The following CSMD1 variants were observed in gnomAD, a reference collection of about 807,000 sequenced individuals.
CSMD1 encodes CUB and Sushi multiple domains 1.
In CSMD1, 213 loss-of-function variants were observed where a neutral mutation model predicts 417.5. That is an observed-to-expected ratio of 0.51 (90% CI 0.46 to 0.57). The LOEUF (loss-of-function observed/expected upper bound fraction) is 0.57, where lower values mean the gene tolerates loss of function less well. CSMD1 is among the 20% of genes least tolerant of loss of function. The probability of loss-of-function intolerance (pLI) is 0.00; values close to 1 mark genes in which losing one functional copy is unlikely to be tolerated. For missense variants in CSMD1, 6,923 were observed against 4,529.7 expected (o/e 1.53, Z -15.17); for synonymous variants, 2,862 against 1,736.8 (o/e 1.65, Z -16.11).
At chr8:3,779,225 G>C (rs1430380634) in intron 5 of CSMD1, among the ~76,000 whole-genome samples, 1 of 151,840 alleles carries the variant, frequency 6.6e-6, no homozygotes, top group African/African-American at 2.4e-5. Flanking sequence ...AGAACTCACT[G>C]TATGCCTTCT....
At chr8:4,257,491 A>G (rs1309801848) in intron 3 of CSMD1, among the ~76,000 whole-genome samples, 1 of 152,090 alleles carries the variant, frequency 6.6e-6, no homozygotes, top group African/African-American at 2.4e-5. Flanking sequence ...ATTTCTATTA[A>G]TTTTCATATT....
At chr8:4,927,879 A>G (rs2117176063) in intron 1 of CSMD1, among the ~76,000 whole-genome samples, 1 of 152,278 alleles carries the variant, frequency 6.6e-6, no homozygotes, top group South Asian at 2.1e-4. Flanking sequence ...AAGATTCCCC[A>G]AAGATCCCAC....
In CSMD1 at chr8:3,096,933, T is replaced by C. The variant is rs1213987706; in HGVS notation, c.7054A>G (p.Lys2352Glu). 5 of 1,556,414 alleles carry C rather than the reference T, an allele frequency of 3.2e-6. No individual in the cohort carries two copies. Among genetic ancestry groups the C allele is most frequent in the Non-Finnish European group, 4.4e-6 (5 of 1,148,850 alleles). The stretch of plus-strand genomic sequence containing the variant: ...GTAATGTTGTAGTTTGGTTCCACTT[T>C]AATACTCCAAGAGCAAGTCTGGGAG... ...FNSQTCSWSIKVEPNYNITIF... is the reference protein window; with the variant it reads ...FNSQTCSWSIEVEPNYNITIF... Residue 2352 changes from lysine to glutamate, a missense_variant, in exon 47 of 70, where the codon AAA (lysine) becomes GAA (glutamate). By Grantham distance (56) the Lys-to-Glu change is moderately conservative (BLOSUM62 1). Transcript: ENST00000635120.
chr8:4,182,361 T>A lies in CSMD1; in HGVS notation c.416-150262A>T, dbSNP rs571880128. Among the ~76,000 whole-genome samples the A allele has an allele frequency of 3.5e-4, 53 of 152,276 alleles. 1 individual carries two copies. The South Asian group carries it at 5.8e-3, about 17-fold the overall frequency. On this transcript the variant is annotated intron_variant, in intron 3 of 69. Transcript: ENST00000635120. ...TCCCCAATACACCTTCCACATGCCTTACCCAAAGTATATTATCTTTTAAAA... is the reference window on the plus strand; with the variant it reads ...TCCCCAATACACCTTCCACATGCCTAACCCAAAGTATATTATCTTTTAAAA...
rs1345675277 is a variant in CSMD1 at position 4,860,962 on chromosome 8, T to C, written c.85+133370A>G. Reference sequence around the variant, plus strand: ...GCTCTGATATCCTCAGTTTCAAGAATGTAAACCTGTGCTGCCAAAAATTCA... The same window carrying C: ...GCTCTGATATCCTCAGTTTCAAGAACGTAAACCTGTGCTGCCAAAAATTCA... On this transcript the variant is annotated intron_variant, in intron 1 of 69. Transcript: ENST00000635120. 1.4e-4 allele frequency among the ~76,000 whole-genome samples: 21 copies of C among 152,114 alleles called. 1 individual carries two copies. Among genetic ancestry groups the C allele is most frequent in the Non-Finnish European group, 2.9e-5 (2 of 68,042 alleles).
At chr8:3,039,442 T>G (rs1810933387) in intron 50 of CSMD1, among the ~76,000 whole-genome samples, 1 of 145,586 alleles carries the variant, frequency 6.9e-6, no homozygotes, top group Non-Finnish European at 1.5e-5. Context: ...CCTCCCTCCT[T>G]TCTTCCTTTC....
In CSMD1 at chr8:4,006,463, G is replaced by C. The variant is rs567636884; in HGVS notation, c.611-8353C>G. Among the ~76,000 whole-genome samples, 41 of 152,284 alleles carry C rather than the reference G, an allele frequency of 2.7e-4. No homozygotes were observed. In the East Asian group the frequency reaches 5.8e-3, roughly 22 times the overall value. ...GGAGGCTGAGGCCGAAGAATCGCTT[G>C]AACTTGGGAGGCAGAGGTTGCAGTG... On this transcript the variant is annotated intron_variant, in intron 4 of 69. Transcript: ENST00000635120.
chr8:4,675,524 G>T (rs901863859), intron 1 of CSMD1, among the ~76,000 whole-genome samples: 2 of 152,048 alleles, frequency 1.3e-5, no homozygotes, highest in African/African-American at 4.8e-5. Flanking sequence ...TGTAATGGAG[G>T]GACAAGTTCT....
intron 3 of CSMD1, among the ~76,000 whole-genome samples, chr8:4,068,169 T>G (rs1276858010): frequency 6.6e-6 from 1 of 152,178 alleles, no homozygotes; most frequent in East Asian, 1.9e-4. Context: ...ATTTAGGGTT[T>G]TCTTAGGAAA....
At chr8:3,491,993 C>T (rs961141419) in intron 11 of CSMD1, among the ~76,000 whole-genome samples, 2 of 152,158 alleles carry the variant, frequency 1.3e-5, no homozygotes, top group Non-Finnish European at 2.9e-5. Flanking sequence ...GGTTTACAAG[C>T]TCTTTGTTCT....
chr8:4,071,191 CCT>C (rs527328754), intron 3 of CSMD1, among the ~76,000 whole-genome samples: 104 of 151,896 alleles, frequency 6.8e-4, no homozygotes, highest in African/African-American at 2.5e-3. Context: ...CCTTATTCTC[CCT>C]CTCTTTCTCC....
intron 23 of CSMD1, among the ~76,000 whole-genome samples, chr8:3,326,695 G>A (rs1333990124): frequency 6.6e-6 from 1 of 152,086 alleles, no homozygotes; most frequent in South Asian, 2.1e-4. Flanking sequence ...TTCCTCTTAG[G>A]TACTCTCAGG....
At chr8:4,946,465 A>C (rs1808374606) in intron 1 of CSMD1, among the ~76,000 whole-genome samples, 1 of 151,996 alleles carries the variant, frequency 6.6e-6, no homozygotes. Context: ...CTGCCCAGTG[A>C]CCCTCTATGG....
chr8:3,767,186 C>T (rs957952751), intron 5 of CSMD1, among the ~76,000 whole-genome samples: 2 of 152,220 alleles, frequency 1.3e-5, no homozygotes, highest in African/African-American at 2.4e-5. Context: ...ACGCTGCCAT[C>T]GTAGAAAGCA....
chr8:3,905,501 G>C (rs1211075812), intron 5 of CSMD1, among the ~76,000 whole-genome samples: 1 of 152,212 alleles, frequency 6.6e-6, no homozygotes, highest in Non-Finnish European at 1.5e-5. Flanking sequence ...AAAGATCTCT[G>C]TGCACCTGCT....
At chr8:4,753,748 T>C (rs893982725) in intron 1 of CSMD1, among the ~76,000 whole-genome samples, 4 of 152,184 alleles carry the variant, frequency 2.6e-5, no homozygotes, top group African/African-American at 9.7e-5. Flanking sequence ...GTATAAACAG[T>C]TTACATTCTG....
At chr8:4,411,641 C>A (rs1398375345) in intron 3 of CSMD1, among the ~76,000 whole-genome samples, 2 of 152,128 alleles carry the variant, frequency 1.3e-5, no homozygotes, top group African/African-American at 4.8e-5. Context: ...TTCCATTCTT[C>A]TCAAACCTAA....
chr8:4,417,527 C>T (rs546581994), intron 3 of CSMD1, among the ~76,000 whole-genome samples: 148 of 152,092 alleles, frequency 9.7e-4, no homozygotes, highest in African/African-American at 3.1e-3. Context: ...AATAAAAAAA[C>T]ATGAATTTAT....
chr8:3,255,894 TCG>T (rs1397509832), intron 26 of CSMD1, among the ~76,000 whole-genome samples: 2 of 152,092 alleles, frequency 1.3e-5, no homozygotes, highest in African/African-American at 4.8e-5. Context: ...TTTCCGACAC[TCG>T]CCAGTGAGAT....
Sources: allele counts gnomAD v4.1 joint callset (sites outside exome capture counted in the v4.1 genomes callset), GRCh38; gene constraint gnomAD v4.1.1; transcripts MANE v1.5; gene names NCBI Gene and HGNC (gene_info 2026-07-23, HGNC 2026-07-21).